Variants in MOCOS observed in about 807,000 individuals in gnomAD.
MOCOS encodes human molybdenum cofactor sulfurase.
In MOCOS, 86 loss-of-function variants were observed where a neutral mutation model predicts 83.6. That is an observed-to-expected ratio of 1.03 (90% confidence interval 0.86 to 1.23). MOCOS has a LOEUF of 1.23. Ranked by LOEUF, MOCOS falls within the 50% of genes most tolerant of loss-of-function variation. The pLI is 0.00. For missense variants in MOCOS, 1,120 were observed against 1,126.9 expected, an observed-to-expected ratio of 0.99 and a Z score of 0.09; for synonymous variants, 445 against 434.7, an observed-to-expected ratio of 1.02 and a Z score of -0.29.
intron 9 of MOCOS, among the ~76,000 whole-genome samples, chr18:36,231,328 G>T (rs1346932997): frequency 6.6e-6 from 1 of 152,162 alleles, no homozygotes; most frequent in Non-Finnish European, 1.5e-5. Context: ...TAATATTTTA[G>T]TGATGTTTGT....
At chr18:36,216,883 G>C (rs2091477788) in intron 8 of MOCOS, among the ~76,000 whole-genome samples, 1 of 152,260 alleles carries the variant, frequency 6.6e-6, no homozygotes, top group Non-Finnish European at 1.5e-5. Context: ...TGTGTCTCCT[G>C]GGATGTACAG....
chr18:36,202,895 A>G (rs2091420128), intron 4 of MOCOS, among the ~76,000 whole-genome samples: 2 of 152,164 alleles, frequency 1.3e-5, no homozygotes, highest in Admixed American at 1.3e-4. Flanking sequence ...CGAAATGAGA[A>G]CAGCAAGGGG....
At chr18:36,227,234 T>G (rs2091520964) in intron 9 of MOCOS, among the ~76,000 whole-genome samples, 1 of 151,472 alleles carries the variant, frequency 6.6e-6, no homozygotes, top group South Asian at 2.1e-4. Context: ...TTTTAACACA[T>G]ATGTATATAT....
At chr18:36,263,434 A>T (rs1835119629) in intron 13 of MOCOS, among the ~76,000 whole-genome samples, 1 of 152,238 alleles carries the variant, frequency 6.6e-6, no homozygotes, top group Non-Finnish European at 1.5e-5. Flanking sequence ...CCATTGTGAA[A>T]ATTGCAAAAT....
chr18:36,264,503 A>G (rs1485320263), intron 13 of MOCOS, among the ~76,000 whole-genome samples: 2 of 152,202 alleles, frequency 1.3e-5, no homozygotes, highest in Non-Finnish European at 2.9e-5. Context: ...ATCCTCGTGT[A>G]TAATAGTGAT....
chr18:36,196,354 G>T (rs2091387723), intron 2 of MOCOS, among the ~76,000 whole-genome samples: 2 of 152,158 alleles, frequency 1.3e-5, no homozygotes, highest in Non-Finnish European at 2.9e-5. Context: ...ATAGGTTCTG[G>T]TATCACTCCT....
chr18:36,217,505 T>G (rs1326600551), intron 8 of MOCOS, among the ~76,000 whole-genome samples: 1 of 152,170 alleles, frequency 6.6e-6, no homozygotes, highest in African/African-American at 2.4e-5. Flanking sequence ...TGGTTGGAAC[T>G]CTGAACCTTT....
At chr18:36,195,497 G>T in intron 2 of MOCOS, 151 bp downstream of exon 2, 1 of 713,002 alleles carries the variant, frequency 1.4e-6, no homozygotes, top group Non-Finnish European at 2.4e-6. Flanking sequence ...AAGCACCCTG[G>T]GTCATTCTGT....
intron 13 of MOCOS, among the ~76,000 whole-genome samples, chr18:36,265,656 C>A (rs1041815709): frequency 1.1e-4 from 16 of 152,010 alleles, no homozygotes; most frequent in African/African-American, 3.6e-4. Flanking sequence ...TAAGCTCCAC[C>A]AGACAGTATG....
At chr18:36,261,671 A>T (rs1390157451) in intron 13 of MOCOS, among the ~76,000 whole-genome samples, 1 of 152,200 alleles carries the variant, frequency 6.6e-6, no homozygotes, top group Non-Finnish European at 1.5e-5. Flanking sequence ...TCTTACCCTG[A>T]CAGTGGCTCC....
intron 9 of MOCOS, among the ~76,000 whole-genome samples, chr18:36,245,492 T>A (rs1430664205): frequency 6.6e-6 from 1 of 152,228 alleles, no homozygotes; most frequent in Non-Finnish European, 1.5e-5. Context: ...TGCTGAGAAA[T>A]CTGCTGTTAA....
intron 4 of MOCOS, among the ~76,000 whole-genome samples, chr18:36,201,345 C>G (rs189795477): frequency 2.2e-4 from 34 of 152,240 alleles, no homozygotes; most frequent in African/African-American, 7.9e-4. Context: ...TTCTCTGCAC[C>G]TCATGTTTTT....
chr18:36,248,941 G>A lies in MOCOS; in HGVS notation c.1980G>A (p.Val660=), dbSNP rs1369878039. The change falls in exon 10 of 15, where the codon GTG becomes GTA. Residue 660 remains valine, a synonymous_variant. Transcript: ENST00000261326. Reference sequence around the variant, plus strand: ...CATTAGGGATGGAGCCTATAGAGGTGCCTCTTGAGGAAAATAGTGAACGGA... The same window carrying A: ...CATTAGGGATGGAGCCTATAGAGGTACCTCTTGAGGAAAATAGTGAACGGA... The part of the protein sequence containing the change: ...IKAKGMEPIE[V]PLEENSERTQ... 1.2e-6 allele frequency: 2 copies of A among 1,614,076 alleles called. No homozygotes were observed. Among genetic ancestry groups the A allele is most frequent in the African/African-American group, 2.7e-5 (2 of 75,056 alleles).
At chr18:36,224,050 G>A (rs2091506572) in intron 9 of MOCOS, among the ~76,000 whole-genome samples, 1 of 151,962 alleles carries the variant, frequency 6.6e-6, no homozygotes, top group Admixed American at 6.6e-5. Context: ...ATTATAAGTG[G>A]GATTGGTCTT....
chr18:36,188,598 T>G (rs1444727840), intron 1 of MOCOS, among the ~76,000 whole-genome samples: 1 of 152,128 alleles, frequency 6.6e-6, no homozygotes, highest in Admixed American at 6.5e-5. Context: ...GGGGTTTGAG[T>G]GTATCTGCTC....
At chr18:36,241,521 T>C (rs2091582618) in intron 9 of MOCOS, among the ~76,000 whole-genome samples, 1 of 152,094 alleles carries the variant, frequency 6.6e-6, no homozygotes. Context: ...TGAAGTTGAG[T>C]GATGGGGCTT....
intron 14 of MOCOS, 116 bp downstream of exon 14, chr18:36,266,969 C>T (rs1461787413): frequency 1.2e-6 from 1 of 869,098 alleles, no homozygotes; most frequent in Non-Finnish European, 1.9e-6. Flanking sequence ...GCTGCCCATC[C>T]AAAGCTGTTG....
intron 12 of MOCOS, among the ~76,000 whole-genome samples, chr18:36,257,404 C>A (rs1290285871): frequency 6.6e-6 from 1 of 152,026 alleles, no homozygotes; most frequent in African/African-American, 2.4e-5. Context: ...ACTTTTATTG[C>A]CCACCCTCCC....
At position 36,215,717 on chromosome 18, in the gene MOCOS, G is replaced by A; in HGVS notation, c.1537G>A (p.Ala513Thr). The change falls in exon 8 of 15, where the codon GCA becomes ACA. Residue 513 changes from alanine to threonine, a missense_variant. Ala to Thr is a moderately conservative substitution (Grantham distance 58). Transcript: ENST00000261326. ...CACCGGGGAGACTGGAGCCCCATCA[G>A]CAGACAGCCAGGCTGATGTTATACC... ...ADTGETGAPS[A>T]DSQADVIPAV... is the part of the protein sequence containing the mutation. The A allele has an allele frequency of 1.2e-6, 2 of 1,614,206 alleles. No homozygotes were observed. The highest frequency in any genetic ancestry group is 1.7e-5 in the Admixed American group (1 of 60,030).
Sources: allele counts gnomAD v4.1 joint callset (sites outside exome capture counted in the v4.1 genomes callset), GRCh38; gene constraint gnomAD v4.1.1; transcripts MANE v1.5; gene names NCBI Gene and HGNC (gene_info 2026-07-23, HGNC 2026-07-21).